The following CLVS1 variants were observed in gnomAD, a reference collection of about 807,000 sequenced individuals.
CLVS1 encodes the protein clavesin-1.
CLVS1 carries 10 observed loss-of-function variants against 33.1 expected under a neutral mutation model. That is an observed-to-expected ratio of 0.30 (90% CI 0.19 to 0.51). The LOEUF is 0.51. Ranked by LOEUF, CLVS1 falls within the 20% of genes least tolerant of loss-of-function variation. The pLI, the probability that CLVS1 is intolerant of heterozygous loss-of-function variation, is 0.97. For missense variants in CLVS1, 343 were observed against 433.4 expected (o/e 0.79, Z 1.85); for synonymous variants, 163 against 166.1 (o/e 0.98, Z 0.14).
intron 2 of CLVS1, among the ~76,000 whole-genome samples, chr8:61,228,212 A>G (rs909652144): frequency 6.6e-6 from 1 of 152,152 alleles, no homozygotes; most frequent in Admixed American, 6.5e-5. Context: ...AAAAATATAT[A>G]TTTATAGTAG....
chr8:61,059,473 TAC>T (rs983389474), intron 1 of CLVS1, among the ~76,000 whole-genome samples: 7 of 80,368 alleles, frequency 8.7e-5, no homozygotes, highest in African/African-American at 3.9e-4. Flanking sequence ...CATACATACA[TAC>T]ATATATATAT....
chr8:61,266,734 C>T (rs1365265437), intron 2 of CLVS1, among the ~76,000 whole-genome samples: 4 of 152,174 alleles, frequency 2.6e-5, no homozygotes, highest in Non-Finnish European at 4.4e-5. Context: ...TCCCCTCTTC[C>T]AATAATCTTT....
At chr8:61,368,942 T>C (rs941309401) in intron 2 of CLVS1, among the ~76,000 whole-genome samples, 1 of 152,188 alleles carries the variant, frequency 6.6e-6, no homozygotes, top group Non-Finnish European at 1.5e-5. Context: ...TTCAAAGAGA[T>C]GAAAATTTGC....
intron 5 of CLVS1, among the ~76,000 whole-genome samples, chr8:61,484,895 A>G (rs1159051332): frequency 8.5e-5 from 13 of 152,338 alleles, no homozygotes; most frequent in Middle Eastern, 3.4e-3. Context: ...AGCCATATGT[A>G]GAAAGCTGAA....
chr8:61,393,133 C>T lies in CLVS1; in HGVS notation c.630+16354C>T, dbSNP rs151235083. Among the ~76,000 whole-genome samples the T allele has an allele frequency of 1.0e-2, 1,518 of 152,170 alleles. 27 individuals carry two copies. Among genetic ancestry groups the T allele is most frequent in the African/African-American group, 0.034 (1,431 of 41,544 alleles). On this transcript the variant is annotated intron_variant, in intron 3 of 5. Transcript: ENST00000325897. ...CTGGCCTCAGGTGATCTGCCCACCT[C>T]GGCCTCCCAAAGTGCTGGGATTACA...
intron 2 of CLVS1, among the ~76,000 whole-genome samples, chr8:61,148,091 T>C (rs1173782307): frequency 6.6e-6 from 1 of 152,236 alleles, no homozygotes; most frequent in Non-Finnish European, 1.5e-5. Flanking sequence ...AAATTCAGCA[T>C]TGGTTCTTAA....
chr8:61,236,727 G>A (rs559325111), intron 2 of CLVS1, among the ~76,000 whole-genome samples: 21 of 152,220 alleles, frequency 1.4e-4, no homozygotes, highest in Non-Finnish European at 2.9e-4. Context: ...AGGATTACAT[G>A]TTTCTAAATG....
chr8:61,211,526 G>C (rs932978319), intron 2 of CLVS1, among the ~76,000 whole-genome samples: 6 of 152,058 alleles, frequency 3.9e-5, no homozygotes, highest in Non-Finnish European at 8.8e-5. Flanking sequence ...AATGTTTGTG[G>C]GATGAAGGAA....
At position 61,132,223 on chromosome 8, in the gene CLVS1, G is replaced by A. The variant is rs142968433; in HGVS notation, c.-152+363G>A. Among the ~76,000 whole-genome samples the A allele has an allele frequency of 1.4e-3, 218 of 152,350 alleles. 2 individuals carry two copies. The Middle Eastern group carries it at 0.027, about 19-fold the overall frequency. On this transcript the variant is annotated intron_variant, in intron 2 of 2. Transcript: ENST00000522621. ...CTTTAAGCTCAACCCTAAACTGACCGAGTCTTGTTGCCTGAGGTCTCTTTG... is the reference window on the plus strand; with the variant it reads ...CTTTAAGCTCAACCCTAAACTGACCAAGTCTTGTTGCCTGAGGTCTCTTTG...
chr8:60,973,974 G>T, the CLVS1 span, among the ~76,000 whole-genome samples: 1 of 152,132 alleles, frequency 6.6e-6, no homozygotes, highest in African/African-American at 2.4e-5. Context: ...CTTTTGATTT[G>T]CTTTTTCCTT....
chr8:61,483,226 T>C (rs1387735917), intron 5 of CLVS1, among the ~76,000 whole-genome samples: 1 of 151,506 alleles, frequency 6.6e-6, no homozygotes, highest in Non-Finnish European at 1.5e-5. Context: ...GAGAGAAGAA[T>C]CAAATAGATG....
At chr8:61,284,265 A>G (rs967770598), upstream of CLVS1, among the ~76,000 whole-genome samples, 1 of 152,234 alleles carries the variant, frequency 6.6e-6, no homozygotes, top group Non-Finnish European at 1.5e-5. Context: ...ATACAAAATT[A>G]CTGTTAGAGA....
intron 2 of CLVS1, among the ~76,000 whole-genome samples, chr8:61,315,417 G>A (rs1810975284): frequency 6.6e-6 from 1 of 152,092 alleles, no homozygotes; most frequent in African/African-American, 2.4e-5. Context: ...AATCCAAATA[G>A]TGTTGCCACT....
At chr8:61,389,642 G>C (rs1038891709) in intron 3 of CLVS1, among the ~76,000 whole-genome samples, 4 of 152,192 alleles carry the variant, frequency 2.6e-5, no homozygotes, top group Admixed American at 6.5e-5. Context: ...AGGCCATTTA[G>C]AGTCACGTAT....
chr8:61,099,496 T>G (rs1805410167), intron 1 of CLVS1, among the ~76,000 whole-genome samples: 1 of 152,206 alleles, frequency 6.6e-6, no homozygotes, highest in African/African-American at 2.4e-5. Context: ...GATGTAATAC[T>G]CATCTTGCAG....
intron 3 of CLVS1, among the ~76,000 whole-genome samples, chr8:61,410,650 T>G (rs1483354942): frequency 6.6e-6 from 1 of 152,168 alleles, no homozygotes; most frequent in Non-Finnish European, 1.5e-5. Flanking sequence ...TTTTTATTTT[T>G]TATTGTTTTG....
At chr8:60,974,914 G>A in the CLVS1 span, among the ~76,000 whole-genome samples, 2 of 152,194 alleles carry the variant, frequency 1.3e-5, no homozygotes, top group Non-Finnish European at 2.9e-5. Context: ...AGGATCAGCT[G>A]GAGGGGCTTG....
the CLVS1 span, among the ~76,000 whole-genome samples, chr8:61,020,669 A>G: frequency 6.6e-6 from 1 of 152,384 alleles, no homozygotes; most frequent in Middle Eastern, 3.4e-3. Flanking sequence ...GTTGGACAAC[A>G]TGGCAGCATG....
At chr8:61,437,107 C>T (rs1816358440) in intron 3 of CLVS1, among the ~76,000 whole-genome samples, 1 of 152,092 alleles carries the variant, frequency 6.6e-6, no homozygotes, top group South Asian at 2.1e-4. Flanking sequence ...CATTAAATTC[C>T]TTTGTGGTAC....
Sources: allele counts gnomAD v4.1 joint callset (sites outside exome capture counted in the v4.1 genomes callset), GRCh38; gene constraint gnomAD v4.1.1; transcripts MANE v1.5; gene names NCBI Gene and HGNC (gene_info 2026-07-23, HGNC 2026-07-21).